PCDHGC3: variants seen among roughly 807,000 people sequenced by gnomAD.
PCDHGC3 encodes the protein protocadherin gamma-C3.
Under a neutral mutation model 59.2 loss-of-function variants are expected in PCDHGC3, and 26 were observed. The observed-to-expected ratio is 0.44, with a 90% confidence interval of 0.32 to 0.61. PCDHGC3 has a LOEUF of 0.61. PCDHGC3 is among the 20% of genes least tolerant of loss of function. The probability of loss-of-function intolerance (pLI) is 0.05; values close to 1 mark genes in which losing one functional copy is unlikely to be tolerated. For synonymous variants in PCDHGC3, 487 were observed against 519.7 expected (o/e 0.94, Z 0.86); for missense variants, 1,080 against 1,221.8 (o/e 0.88, Z 1.73).
At position 141,477,966 on chromosome 5, in the gene PCDHGC3, G is replaced by T; in HGVS notation, c.1850G>T (p.Ser617Ile). 1 of 1,614,118 alleles carries T rather than the reference G, an allele frequency of 6.2e-7. No individual in the cohort carries two copies. The highest frequency in any genetic ancestry group is 8.5e-7 in the Non-Finnish European group (1 of 1,180,036). The change falls in exon 1 of 4, where the codon AGC (serine) becomes ATC (isoleucine). Residue 617 changes from serine (S) to isoleucine (I), a missense_variant. Physicochemically the swap from Ser to Ile is moderately radical, Grantham distance 142. Coordinates refer to ENST00000308177, the MANE Select transcript of PCDHGC3 (RefSeq NM_002588.4). This position sits in a 1 kb window ranked among gnomAD's most constrained non-coding sequence, Gnocchi z 4.9. ...AGTCTCTTGGGATCCCCTAACCAGA[G>T]CCTTTTTGCCATAGGGCTGCACACT... ...SYSLLGSPNQ[S>I]LFAIGLHTGQ...
At chr5:141,482,602 C>T (rs2099569087) in intron 1 of PCDHGC3, among the ~76,000 whole-genome samples, 1 of 142,506 alleles carries the variant, frequency 7.0e-6, no homozygotes, top group Non-Finnish European at 1.5e-5. Flanking sequence ...CGGGAAAAAA[C>T]ACCTAAATGA....
intron 2 of PCDHGC3, among the ~76,000 whole-genome samples, chr5:141,496,186 G>A (rs879940448): frequency 2.0e-5 from 3 of 152,018 alleles, no homozygotes; most frequent in Non-Finnish European, 4.4e-5. Flanking sequence ...AGCAGCCCCA[G>A]CTGCTCATTT....
rs1289898516 is a variant in PCDHGC3 at position 141,487,019 on chromosome 5, C to G, written c.2431-7788C>G. ...CTATCAGCTCCTGGAGGCCCCAGAT[C>G]CCAGCCTGTTTGCAGTCTCTCGATA... On this transcript the variant is annotated intron_variant, in intron 1 of 3. Transcript: ENST00000308177. The surrounding 1 kb of genome is among the most constrained non-coding windows in gnomAD (Gnocchi z 5.0). 1 of 1,614,204 alleles carries G rather than the reference C, an allele frequency of 6.2e-7. No homozygotes were observed. The highest frequency in any genetic ancestry group is 8.5e-7 in the Non-Finnish European group (1 of 1,180,042).
At chr5:141,494,752 T>G (rs889400984) in intron 1 of PCDHGC3, 55 bp from the exon 2 acceptor site, 6 of 1,612,324 alleles carry the variant, frequency 3.7e-6, no homozygotes, top group East Asian at 2.2e-5. Flanking sequence ...GGGGCTCGGG[T>G]GACATTCTAA....
intron 3 of PCDHGC3, 110 bp downstream of exon 3, chr5:141,505,591 G>T: frequency 6.4e-7 from 1 of 1,570,280 alleles, no homozygotes; most frequent in Non-Finnish European, 8.7e-7. Flanking sequence ...AGTTTCTCCA[G>T]ATCTTTCGGC....
chr5:141,497,502 T>C (rs1216218103), intron 2 of PCDHGC3, among the ~76,000 whole-genome samples: 1 of 151,628 alleles, frequency 6.6e-6, no homozygotes, highest in East Asian at 1.9e-4. Flanking sequence ...CTCTCCTCTC[T>C]CTGCTTCCTT....
At chr5:141,488,213 C>T (rs1261280988) in intron 1 of PCDHGC3, among the ~76,000 whole-genome samples, 1 of 152,118 alleles carries the variant, frequency 6.6e-6, no homozygotes, top group Non-Finnish European at 1.5e-5. Context: ...CATATCAAGT[C>T]CCTACTGGGG....
chr5:141,509,785 C>T (rs1445220885), intron 3 of PCDHGC3, among the ~76,000 whole-genome samples: 1 of 152,166 alleles, frequency 6.6e-6, no homozygotes, highest in African/African-American at 2.4e-5. Context: ...CCGAGATCAT[C>T]ATCTCCTCAG....
At position 141,487,741 on chromosome 5, in the gene PCDHGC3, A is replaced by C. The variant is rs773413559; in HGVS notation, c.2431-7066A>C. 1.6e-4 allele frequency: 247 copies of C among 1,561,638 alleles called. 1 individual carries two copies. The highest frequency in any genetic ancestry group is 2.1e-4 in the Non-Finnish European group (244 of 1,151,698). On this transcript the variant is annotated intron_variant, in intron 1 of 3. Coordinates refer to ENST00000308177, the MANE Select transcript of PCDHGC3 (RefSeq NM_002588.4). This position sits in a 1 kb window ranked among gnomAD's most constrained non-coding sequence, Gnocchi z 5.0. ...ATAGTGATGTCACCATTTTTGTAAG[A>C]GGTAACTATGTGGTAGACGCTGTGC... is the stretch of plus-strand genomic sequence containing the variant.
intron 2 of PCDHGC3, among the ~76,000 whole-genome samples, chr5:141,503,398 C>A (rs1374324008): frequency 6.6e-6 from 1 of 151,784 alleles, no homozygotes; most frequent in African/African-American, 2.4e-5. Flanking sequence ...AGTTCGAAAC[C>A]AACCTGGCCA....
chr5:141,485,093 T>C lies in PCDHGC3; in HGVS notation c.2430+6547T>C. 1 of 1,076,296 alleles carries C rather than the reference T, an allele frequency of 9.3e-7. No homozygotes were observed. Among genetic ancestry groups the C allele is most frequent in the Non-Finnish European group, 1.4e-6 (1 of 718,118 alleles). 66.7% of individuals were successfully genotyped at this position (1,076,296 alleles called of 1,614,324 possible). ...TGGCGCGGGGAAAGGGAGATAGGTG[T>C]CTCCAGCTGCTGTGGCTGTTTGGGG... On this transcript the variant is annotated intron_variant, in intron 1 of 3. Coordinates refer to ENST00000308177, the MANE Select transcript of PCDHGC3 (RefSeq NM_002588.4). The surrounding 1 kb of genome is among the most constrained non-coding windows in gnomAD (Gnocchi z 5.7).
chr5:141,476,922 C>T lies in PCDHGC3; in HGVS notation c.806C>T (p.Thr269Met). 4 of 1,614,120 alleles carry T rather than the reference C, an allele frequency of 2.5e-6. No individual in the cohort carries two copies. Among genetic ancestry groups the T allele is most frequent in the Non-Finnish European group, 2.5e-6 (3 of 1,180,050 alleles). The change falls in exon 1 of 4, where the codon ACG becomes ATG. Residue 269 changes from threonine (T) to methionine (M), a missense_variant. Thr to Met is a moderately conservative substitution (Grantham distance 81). Transcript: ENST00000308177. The surrounding 1 kb of genome is among the most constrained non-coding windows in gnomAD (Gnocchi z 7.6). ...SGTRVVQVLA[T>M]DLDEGPNGEI... ...ACGCGCGTGGTACAAGTCCTTGCAA[C>T]GGATCTGGATGAAGGCCCCAACGGT...
chr5:141,500,520 T>TA (rs2099801149), intron 2 of PCDHGC3, among the ~76,000 whole-genome samples: 2 of 152,312 alleles, frequency 1.3e-5, no homozygotes, highest in Admixed American at 1.3e-4. Flanking sequence ...AGCTTCATTT[T>TA]AAAAAAATCT....
At chr5:141,501,308 C>T (rs1220463692) in intron 2 of PCDHGC3, among the ~76,000 whole-genome samples, 2 of 151,492 alleles carry the variant, frequency 1.3e-5, no homozygotes, top group African/African-American at 2.4e-5. Context: ...CACACACACA[C>T]ACACACACAC....
In PCDHGC3 at chr5:141,477,088, C is replaced by G. The variant is rs1008530221; in HGVS notation, c.972C>G (p.Ala324=). Residue 324 remains alanine, a synonymous_variant, in exon 1 of 4, where the codon GCC becomes GCG. Transcript: ENST00000308177. This position sits in a 1 kb window ranked among gnomAD's most constrained non-coding sequence, Gnocchi z 4.9. ...AACTCCATGAGATTTACATCCAGGC[C>G]AAAGACAAGGGCGCCAATCCCGAAG... ...DTKLHEIYIQ[A]KDKGANPEGA... The G allele has an allele frequency of 1.2e-6, 2 of 1,614,112 alleles. No individual in the cohort carries two copies. The highest frequency in any genetic ancestry group is 1.6e-4 in the Middle Eastern group (1 of 6,084).
At chr5:141,481,913 C>CAAAAA (rs34114744) in intron 1 of PCDHGC3, among the ~76,000 whole-genome samples, 2 of 90,852 alleles carry the variant, frequency 2.2e-5, no homozygotes, top group Non-Finnish European at 4.4e-5. Flanking sequence ...AACTCCATCT[C>CAAAAA]AAAAAAAAAA....
rs560662076 is a variant in PCDHGC3, at chr5:141,498,856, C to A, written c.2489+3991C>A. Among the ~76,000 whole-genome samples, 72 of 152,004 alleles carry A rather than the reference C, an allele frequency of 4.7e-4. 2 individuals carry two copies. Among genetic ancestry groups the A allele is most frequent in the African/African-American group, 1.7e-3 (69 of 41,430 alleles). ...GCTGAGGCAGGGGAATCGCTTGAACCCAGGAGGCGGAGGTTGCAGTGAGCT... is the reference window on the plus strand; with the variant it reads ...GCTGAGGCAGGGGAATCGCTTGAACACAGGAGGCGGAGGTTGCAGTGAGCT... On this transcript the variant is annotated intron_variant, in intron 2 of 3. Coordinates refer to ENST00000308177, the MANE Select transcript of PCDHGC3 (RefSeq NM_002588.4).
At chr5:141,502,697 T>C (rs893610041) in intron 2 of PCDHGC3, among the ~76,000 whole-genome samples, 13 of 152,208 alleles carry the variant, frequency 8.5e-5, no homozygotes, top group African/African-American at 3.1e-4. Context: ...CTTGCCTGTA[T>C]CTGTTTTTAC....
intron 1 of PCDHGC3, among the ~76,000 whole-genome samples, chr5:141,481,039 C>T (rs748434260): frequency 4.6e-5 from 7 of 152,048 alleles, no homozygotes; most frequent in Non-Finnish European, 8.8e-5. Flanking sequence ...GCCTGGGCGA[C>T]AGAGCGAGAC....
Sources: allele counts gnomAD v4.1 joint callset (sites outside exome capture counted in the v4.1 genomes callset), GRCh38; gene constraint gnomAD v4.1.1; non-coding constraint Gnocchi (gnomAD v3.1); transcripts MANE v1.5; gene names NCBI Gene and HGNC (gene_info 2026-07-23, HGNC 2026-07-21).